The following ROCK1 variants were observed in gnomAD, a reference collection of about 807,000 sequenced individuals.
ROCK1 encodes rho-associated protein kinase 1.
ROCK1 carries 36 observed loss-of-function variants against 196.8 expected under a neutral mutation model. The ratio of observed to expected loss-of-function variants is 0.18; its 90% confidence interval spans 0.14 to 0.24. ROCK1 has a LOEUF of 0.24. ROCK1 is among the 10% of genes least tolerant of loss of function. ROCK1 has a pLI of 1.00. For synonymous variants in ROCK1, 443 were observed against 515.9 expected, an observed-to-expected ratio of 0.86 and a Z score of 1.91; for missense variants, 920 against 1,562.0, an observed-to-expected ratio of 0.59 and a Z score of 6.93.
At chr18:21,049,993 A>G (rs543576150) in intron 2 of ROCK1, 113 bp from the exon 3 acceptor site, 1 of 521,474 alleles carries the variant, frequency 1.9e-6, no homozygotes, top group East Asian at 3.5e-5. Flanking sequence ...AACTTCATGA[A>G]GAATTATTTG....
chr18:20,963,197 TAAG>T (rs2035343096), intron 27 of ROCK1, among the ~76,000 whole-genome samples: 1 of 152,122 alleles, frequency 6.6e-6, no homozygotes, highest in Non-Finnish European at 1.5e-5. Flanking sequence ...TTTTAACTTA[TAAG>T]AAGTTAGATG....
intron 29 of ROCK1, among the ~76,000 whole-genome samples, chr18:20,959,107 A>AT (rs1422784137): frequency 2.0e-5 from 1 of 50,588 alleles, no homozygotes; most frequent in African/African-American, 1.4e-4. Context: ...TATATATTAT[A>AT]TATATATTAT....
chr18:21,105,531 C>G (rs536150487), intron 1 of ROCK1, among the ~76,000 whole-genome samples: 49 of 152,284 alleles, frequency 3.2e-4, no homozygotes, highest in African/African-American at 1.2e-3. Flanking sequence ...GCAAGGCATA[C>G]AGGGGATTAG....
At chr18:21,067,276 CTTA>C (rs1466447033) in intron 2 of ROCK1, among the ~76,000 whole-genome samples, 1 of 150,788 alleles carries the variant, frequency 6.6e-6, no homozygotes, top group African/African-American at 2.4e-5. Flanking sequence ...AACTATTTGT[CTTA>C]TTATTATTGA....
intron 1 of ROCK1, among the ~76,000 whole-genome samples, chr18:21,086,341 A>C (rs2036527538): frequency 6.6e-6 from 1 of 152,044 alleles, no homozygotes; most frequent in African/African-American, 2.4e-5. Flanking sequence ...CGAACTCCCG[A>C]CCTCAAGTGA....
rs758460807 is a variant in ROCK1, at chr18:20,987,060, T to C, written c.2194A>G (p.Asn732Asp). ...EEREAREKAE[N>D]RVVQIEKQCS... ...TGTTTCTCAATCTGAACAACCCGAT[T>C]TTCAGCCTTCTCTCGAGCTTCTCTT... Residue 732 changes from asparagine (N) to aspartate (D), a missense_variant, in exon 19 of 33, where the codon AAT becomes GAT. This residue lies in a region of ROCK1 where 520 missense variants were observed against 657.1 expected (regional missense o/e 0.79). Transcript: ENST00000399799. The C allele has an allele frequency of 3.1e-6, 5 of 1,613,008 alleles. No individual in the cohort carries two copies.
At chr18:20,965,383 TCATACATACATACATACATATATA>T (rs1568369238) in intron 27 of ROCK1, among the ~76,000 whole-genome samples, 1 of 148,958 alleles carries the variant, frequency 6.7e-6, no homozygotes, top group Non-Finnish European at 1.5e-5. Context: ...TGAGACTGTT[TCATACATACATACATACATATATA>T]CATACATACA....
At chr18:20,951,735 T>G (rs1568364842) in intron 32 of ROCK1, among the ~76,000 whole-genome samples, 2 of 152,126 alleles carry the variant, frequency 1.3e-5, no homozygotes, top group Non-Finnish European at 2.9e-5. Flanking sequence ...TATAAGTCAT[T>G]TCAAAGAATT....
chr18:20,988,796 T>A (rs575798978), intron 18 of ROCK1, among the ~76,000 whole-genome samples: 10 of 152,300 alleles, frequency 6.6e-5, no homozygotes, highest in African/African-American at 2.4e-4. Flanking sequence ...ACAAGCTGTA[T>A]GTATTTTCAT....
intron 9 of ROCK1, among the ~76,000 whole-genome samples, chr18:21,033,278 A>G (rs761163965): frequency 6.6e-6 from 1 of 152,222 alleles, no homozygotes; most frequent in Non-Finnish European, 1.5e-5. Context: ...TGACAAACAC[A>G]ACACCCCTTC....
chr18:21,046,800 T>A (rs1401223428), intron 4 of ROCK1, among the ~76,000 whole-genome samples: 2 of 152,366 alleles, frequency 1.3e-5, no homozygotes, highest in South Asian at 4.1e-4. Flanking sequence ...AATGTTTCAT[T>A]TTTTTCAACT....
At chr18:20,981,698 C>T (rs2035535072) in intron 21 of ROCK1, among the ~76,000 whole-genome samples, 1 of 152,066 alleles carries the variant, frequency 6.6e-6, no homozygotes. Context: ...TTATTTATTA[C>T]ACTAAGAAAC....
chr18:21,055,674 C>A (rs1324396471), intron 2 of ROCK1, among the ~76,000 whole-genome samples: 1 of 152,054 alleles, frequency 6.6e-6, no homozygotes, highest in Non-Finnish European at 1.5e-5. Flanking sequence ...CCCTCCTAAC[C>A]GGATCCCACC....
At chr18:20,997,288 C>CA (rs1314671657) in intron 16 of ROCK1, among the ~76,000 whole-genome samples, 1 of 152,030 alleles carries the variant, frequency 6.6e-6, no homozygotes, top group African/African-American at 2.4e-5. Context: ...GGGATGGAAA[C>CA]AGATATTCCA....
At chr18:21,071,517 C>A (rs945198783) in intron 1 of ROCK1, among the ~76,000 whole-genome samples, 6 of 152,044 alleles carry the variant, frequency 3.9e-5, no homozygotes, top group African/African-American at 1.4e-4. Context: ...ATTATCTAAG[C>A]AAGTGCATGG....
At chr18:21,109,504 T>C (rs1307345083) in intron 1 of ROCK1, among the ~76,000 whole-genome samples, 2 of 152,244 alleles carry the variant, frequency 1.3e-5, no homozygotes, top group African/African-American at 4.8e-5. Flanking sequence ...TATATTCTAA[T>C]TCCTTCCACT....
intron 2 of ROCK1, among the ~76,000 whole-genome samples, chr18:21,057,529 T>A (rs572206616): frequency 1.3e-4 from 20 of 152,282 alleles, no homozygotes; most frequent in African/African-American, 4.8e-4. Context: ...CCTAATACTG[T>A]TTTAAAAATT....
intron 1 of ROCK1, among the ~76,000 whole-genome samples, chr18:21,094,474 A>C (rs1355577666): frequency 6.6e-6 from 1 of 152,158 alleles, no homozygotes; most frequent in Non-Finnish European, 1.5e-5. Context: ...TCTCCAAAGA[A>C]GACGTCTATC....
At chr18:21,090,448 GA>G (rs980453672) in intron 1 of ROCK1, among the ~76,000 whole-genome samples, 7 of 152,104 alleles carry the variant, frequency 4.6e-5, no homozygotes, top group African/African-American at 1.7e-4. Flanking sequence ...CAAATAAAGT[GA>G]TTCCCTTTAT....
Sources: allele counts gnomAD v4.1 joint callset (sites outside exome capture counted in the v4.1 genomes callset), GRCh38; gene constraint gnomAD v4.1.1; regional missense constraint gnomAD v4.1.1; transcripts MANE v1.5; gene names NCBI Gene and HGNC (gene_info 2026-07-23, HGNC 2026-07-21).